The following TP63 variants were observed in gnomAD, a reference collection of about 807,000 sequenced individuals.
TP63 encodes the protein tumor protein p63.
TP63 carries 17 observed loss-of-function variants against 82.8 expected under a neutral mutation model. The observed-to-expected ratio is 0.21, with a 90% confidence interval of 0.14 to 0.31. The LOEUF (loss-of-function observed/expected upper bound fraction) is 0.31. TP63 is among the 10% of genes least tolerant of loss of function. The probability of loss-of-function intolerance (pLI) is 1.00; values close to 1 mark genes in which losing one functional copy is unlikely to be tolerated. For synonymous variants in TP63, 330 were observed against 321.7 expected, an observed-to-expected ratio of 1.03 and a Z score of -0.28; for missense variants, 648 against 895.3, an observed-to-expected ratio of 0.72 and a Z score of 3.52.
chr3:189,622,115 C>T, the TP63 span, among the ~76,000 whole-genome samples: 8 of 152,196 alleles, frequency 5.3e-5, no homozygotes, highest in Admixed American at 6.5e-5. Flanking sequence ...ACGGTGCGCA[C>T]GCCCCAGATT....
At chr3:189,841,167 T>G (rs953687632) in intron 4 of TP63, among the ~76,000 whole-genome samples, 1 of 152,168 alleles carries the variant, frequency 6.6e-6, no homozygotes, top group Non-Finnish European at 1.5e-5. Flanking sequence ...ATGTGCCTTA[T>G]GTACAGTAAG....
chr3:189,667,045 A>T (rs2108663379), intron 1 of TP63, among the ~76,000 whole-genome samples: 1 of 149,100 alleles, frequency 6.7e-6, no homozygotes, highest in African/African-American at 2.5e-5. Context: ...AAAAAAACTC[A>T]TAAAAGTGTG....
intron 3 of TP63, among the ~76,000 whole-genome samples, chr3:189,786,029 A>G (rs1164626871): frequency 6.6e-6 from 1 of 151,996 alleles, no homozygotes; most frequent in Non-Finnish European, 1.5e-5. Context: ...TAAAAATACA[A>G]CAAACCAAAA....
intron 1 of TP63, among the ~76,000 whole-genome samples, chr3:189,662,360 G>A (rs1025278511): frequency 6.6e-6 from 1 of 151,902 alleles, no homozygotes; most frequent in Non-Finnish European, 1.5e-5. Context: ...TAATTTCCAT[G>A]TAAATTGCCT....
intron 1 of TP63, among the ~76,000 whole-genome samples, chr3:189,644,912 C>CTT (rs67262538): frequency 2.8e-5 from 4 of 142,644 alleles, no homozygotes; most frequent in Admixed American, 1.4e-4. Flanking sequence ...ACCACATTTT[C>CTT]TTTTTTTTTT....
chr3:189,791,505 C>A (rs530888468), intron 3 of TP63, among the ~76,000 whole-genome samples: 2 of 152,170 alleles, frequency 1.3e-5, no homozygotes, highest in South Asian at 2.1e-4. Flanking sequence ...TAGTTTTATA[C>A]ACAGGTTTTA....
At chr3:189,648,495 A>G (rs1196431318) in intron 1 of TP63, among the ~76,000 whole-genome samples, 1 of 147,366 alleles carries the variant, frequency 6.8e-6, no homozygotes, top group Non-Finnish European at 1.5e-5. Context: ...TTACGGAGAA[A>G]TCATTAATAA....
At chr3:189,816,322 T>A (rs1728178458) in intron 4 of TP63, among the ~76,000 whole-genome samples, 1 of 152,214 alleles carries the variant, frequency 6.6e-6, no homozygotes, top group African/African-American at 2.4e-5. Context: ...CCCTGAGTGA[T>A]GTGTACCATT....
intron 4 of TP63, among the ~76,000 whole-genome samples, chr3:189,844,586 C>T (rs1429445946): frequency 6.6e-6 from 1 of 152,142 alleles, no homozygotes; most frequent in Non-Finnish European, 1.5e-5. Flanking sequence ...CCGGCCAACA[C>T]TTTTTAAACA....
At chr3:189,837,567 G>A (rs1577069777) in intron 4 of TP63, among the ~76,000 whole-genome samples, 1 of 149,964 alleles carries the variant, frequency 6.7e-6, no homozygotes, top group African/African-American at 2.4e-5. Context: ...AACCAAGGAT[G>A]TCAGTTAAAT....
intron 3 of TP63, among the ~76,000 whole-genome samples, chr3:189,785,384 T>C (rs182743813): frequency 4.3e-4 from 65 of 152,172 alleles, no homozygotes; most frequent in Non-Finnish European, 9.1e-4. Flanking sequence ...CATAAATGTA[T>C]TCTGACTTCA....
At chr3:189,680,655 A>T (rs1393538700) in intron 1 of TP63, among the ~76,000 whole-genome samples, 1 of 152,214 alleles carries the variant, frequency 6.6e-6, no homozygotes, top group African/African-American at 2.4e-5. Context: ...TATGTGACAT[A>T]TCACATTAAC....
intron 3 of TP63, among the ~76,000 whole-genome samples, chr3:189,764,811 A>G (rs1722818798): frequency 6.6e-6 from 1 of 152,174 alleles, no homozygotes; most frequent in Admixed American, 6.5e-5. Flanking sequence ...TTAAAATCTC[A>G]TTTTTGTACT....
intron 1 of TP63, among the ~76,000 whole-genome samples, chr3:189,658,434 A>T (rs1385233307): frequency 6.6e-6 from 1 of 152,028 alleles, no homozygotes; most frequent in African/African-American, 2.4e-5. Context: ...GAAAGGGGAA[A>T]AAAAAGAAGA....
chr3:189,626,555 C>A (rs112937689), upstream of TP63, among the ~76,000 whole-genome samples: 239 of 152,304 alleles, frequency 1.6e-3, no homozygotes, highest in Non-Finnish European at 2.8e-3. Flanking sequence ...GTGGTGGCAT[C>A]TGTTGTTTTC....
At chr3:189,769,420 A>T (rs1394386905) in intron 3 of TP63, among the ~76,000 whole-genome samples, 1 of 152,186 alleles carries the variant, frequency 6.6e-6, no homozygotes, top group Admixed American at 6.5e-5. Flanking sequence ...GTTTATGTGT[A>T]TACATTTGTG....
intron 1 of TP63, among the ~76,000 whole-genome samples, chr3:189,662,777 G>C (rs1714037443): frequency 1.3e-5 from 2 of 151,894 alleles, no homozygotes; most frequent in Admixed American, 1.3e-4. Flanking sequence ...CTTTTATGGG[G>C]ATGAAGAGAA....
At chr3:189,737,941 A>C (rs1720714312) in intron 2 of TP63, 73 bp downstream of exon 2, 2 of 1,578,468 alleles carry the variant, frequency 1.3e-6, no homozygotes, top group South Asian at 1.1e-5. Flanking sequence ...AATATTGCTT[A>C]CTAGGGCATG....
chr3:189,607,957 A>G, the TP63 span, among the ~76,000 whole-genome samples: 1 of 152,154 alleles, frequency 6.6e-6, no homozygotes, highest in Non-Finnish European at 1.5e-5. Flanking sequence ...TAACTCAAAG[A>G]AAGTGTACTA....
Sources: allele counts gnomAD v4.1 joint callset (sites outside exome capture counted in the v4.1 genomes callset), GRCh38; gene constraint gnomAD v4.1.1; transcripts MANE v1.5; gene names NCBI Gene and HGNC (gene_info 2026-07-23, HGNC 2026-07-21).